Variants in CARD8 observed in about 807,000 individuals in gnomAD.
CARD8 encodes caspase recruitment domain-containing protein 8.
In CARD8, 38 loss-of-function variants were observed where a neutral mutation model predicts 53.2. That is an observed-to-expected ratio of 0.71 (90% confidence interval 0.55 to 0.94). The LOEUF (loss-of-function observed/expected upper bound fraction) is 0.94, where lower values mean the gene tolerates loss of function less well. Among genes scored for constraint, CARD8 ranks in the 40% least tolerant of loss-of-function variants. The pLI is 0.00. For missense variants in CARD8, 561 were observed against 655.5 expected (o/e 0.86, Z 1.57); for synonymous variants, 245 against 244.9 (o/e 1.00, Z 0.00).
chr19:48,247,611 T>C (rs550660206), intron 3 of CARD8, among the ~76,000 whole-genome samples: 4 of 152,102 alleles, frequency 2.6e-5, no homozygotes, highest in South Asian at 2.1e-4. Context: ...AACACCACAG[T>C]ACATATTCAA....
At chr19:48,207,733 T>TG (rs777238171), downstream of CARD8, among the ~76,000 whole-genome samples, 5,417 of 67,940 alleles carry the variant, frequency 0.08, 416 homozygotes, top group African/African-American at 0.19. Flanking sequence ...GTTGTTTTTC[T>TG]GTTTTTTTTT....
Position 48,221,728 on chromosome 19 carries a change from A to C in CARD8, c.1161+2T>G. ...GCTGAGTTGGGTTTGAATTCTACTA[A>C]CCTTGGGCATTACTTTCAGGTTAGC... On this transcript the variant is annotated splice_donor_variant, in intron 11 of 13. Coordinates refer to ENST00000651546, the MANE Select transcript of CARD8 (RefSeq NM_001184900.3). LOFTEE classifies it high-confidence loss of function. 6.3e-7 allele frequency: 1 copy of C among 1,576,316 alleles called. No individual in the cohort carries two copies. The highest frequency in any genetic ancestry group is 8.7e-7 in the Non-Finnish European group (1 of 1,154,868).
chr19:48,227,662 G>A (rs1382579148), intron 10 of CARD8, among the ~76,000 whole-genome samples: 2 of 152,000 alleles, frequency 1.3e-5, no homozygotes, highest in Non-Finnish European at 2.9e-5. Context: ...AATTAGCCAG[G>A]TGTGGTGGTG....
downstream of CARD8, chr19:48,204,183 T>C: frequency 2.2e-6 from 1 of 455,938 alleles, no homozygotes; most frequent in Non-Finnish European, 4.4e-6. Flanking sequence ...TCGGTCTCCA[T>C]GGTTACGAGC....
At chr19:48,215,950 C>G (rs2039195592) in intron 12 of CARD8, among the ~76,000 whole-genome samples, 1 of 152,072 alleles carries the variant, frequency 6.6e-6, no homozygotes, top group Non-Finnish European at 1.5e-5. Context: ...CCCACCCCAC[C>G]TTTGGCAGCA....
intron 10 of CARD8, among the ~76,000 whole-genome samples, chr19:48,226,612 A>G (rs2041840820): frequency 6.6e-6 from 1 of 152,206 alleles, no homozygotes; most frequent in African/African-American, 2.4e-5. Flanking sequence ...TTATTTTGCA[A>G]AAAATCTCCC....
At chr19:48,212,798 G>A (rs183903285) in intron 13 of CARD8, among the ~76,000 whole-genome samples, 27 of 152,300 alleles carry the variant, frequency 1.8e-4, no homozygotes, top group African/African-American at 5.1e-4. Context: ...ATTTTAGGAC[G>A]TCACCTTTAT....
chr19:48,225,186 G>A (rs2041509220), intron 10 of CARD8, among the ~76,000 whole-genome samples: 3 of 152,120 alleles, frequency 2.0e-5, no homozygotes, highest in Non-Finnish European at 1.5e-5. Flanking sequence ...AGAGGGTACA[G>A]TGATCAAGAA....
At chr19:48,242,153 T>C (rs904134463) in intron 3 of CARD8, among the ~76,000 whole-genome samples, 16 of 152,160 alleles carry the variant, frequency 1.1e-4, no homozygotes, top group African/African-American at 3.6e-4. Flanking sequence ...AATGTGATGA[T>C]AGGAGGAGAT....
At chr19:48,221,606 T>A (rs1458429173) in intron 11 of CARD8, 124 bp downstream of exon 11, 13 of 596,780 alleles carry the variant, frequency 2.2e-5, no homozygotes, top group Middle Eastern at 4.8e-4. Context: ...TAATTTCAAT[T>A]TTTTTAAAGG....
rs926722941 is a variant in CARD8 at position 48,211,203 on chromosome 19, G to C, written c.*507C>G. On this transcript the variant is annotated 3_prime_UTR_variant, in exon 14 of 14. Coordinates refer to ENST00000651546, the MANE Select transcript of CARD8 (RefSeq NM_001184900.3). ...TCTAATAACAGTAGCCATAGATAAA[G>C]TGTTAAAGTCCTAACATACAAAAAA... 1 of 152,736 alleles carries C rather than the reference G, an allele frequency of 6.5e-6. No individual in the cohort carries two copies. Among genetic ancestry groups the C allele is most frequent in the African/African-American group, 2.4e-5 (1 of 41,202 alleles). The allele number at this position is 152,736 out of a possible 1,614,324, so 9.5% of individuals were successfully genotyped here.
At chr19:48,234,588 G>A (rs1335660424) in intron 5 of CARD8, 45 bp from the exon 6 acceptor site, 1 of 1,567,082 alleles carries the variant, frequency 6.4e-7, no homozygotes, top group African/African-American at 1.4e-5. Flanking sequence ...TAAGGTAGGT[G>A]CCTGATGATA....
rs183473284 is a variant in CARD8, at chr19:48,234,451, A to T, written c.302T>A (p.Leu101Ter). The change falls in exon 6 of 14, where the codon TTG (leucine) becomes TAG (stop). Residue 101 changes from leucine to a stop codon, truncating the protein, a stop_gained. Coordinates refer to ENST00000651546, the MANE Select transcript of CARD8 (RefSeq NM_001184900.3). LOFTEE classifies it high-confidence loss of function. ...TTGACACTCAGGAACAGCACGGAAC[A>T]ATAATGGCTCTGCCTCTGTCTCATC... is the stretch of plus-strand genomic sequence containing the variant. ...EDDETEAEPL[L>*]FRAVPECQLS... 5.0e-6 allele frequency: 8 copies of T among 1,613,834 alleles called. No homozygotes were observed. Among genetic ancestry groups the T allele is most frequent in the African/African-American group, 1.3e-5 (1 of 74,930 alleles).
At chr19:48,241,872 A>T (rs554868319) in intron 3 of CARD8, among the ~76,000 whole-genome samples, 6 of 152,218 alleles carry the variant, frequency 3.9e-5, no homozygotes, top group South Asian at 4.1e-4. Flanking sequence ...ATTCACCCAC[A>T]TAAGTCTACA....
intron 8 of CARD8, 79 bp downstream of exon 8, chr19:48,231,581 G>T: frequency 7.0e-7 from 1 of 1,419,766 alleles, no homozygotes; most frequent in Non-Finnish European, 9.5e-7. Flanking sequence ...GAGATTACAG[G>T]CCTGAGCCAC....
intron 3 of CARD8, among the ~76,000 whole-genome samples, chr19:48,243,563 CA>C (rs1225432367): frequency 1.3e-5 from 2 of 152,200 alleles, no homozygotes; most frequent in Admixed American, 6.5e-5. Flanking sequence ...CTCTGAACTA[CA>C]AGCTTTTCCT....
Position 48,219,003 on chromosome 19 carries a change from A to G in CARD8, c.1171T>C (p.Leu391=), listed in dbSNP as rs1785674246. The change falls in exon 12 of 14, where the codon TTG becomes CTG. Residue 391 remains leucine (L), a synonymous_variant. Transcript: ENST00000651546. ...ATTTCTCCAGGGCTCCTGTAGGACAATTTCAACTCCTAGAGGAAACACATC... is the reference window on the plus strand; with the variant it reads ...ATTTCTCCAGGGCTCCTGTAGGACAGTTTCAACTCCTAGAGGAAACACATC... The part of the protein sequence containing the change: ...NLKVMPKELK[L]SYRSPGEIQH... 1 of 1,614,076 alleles carries G rather than the reference A, an allele frequency of 6.2e-7. No individual in the cohort carries two copies. The highest frequency in any genetic ancestry group is 8.5e-7 in the Non-Finnish European group (1 of 1,179,964).
downstream of CARD8, among the ~76,000 whole-genome samples, chr19:48,207,734 G>GGTTTTTTTTTTGT (rs1555790115): frequency 8.6e-6 from 1 of 116,552 alleles, no homozygotes; most frequent in African/African-American, 3.7e-5. Context: ...TTGTTTTTCT[G>GGTTTTTTTTTTGT]TTTTTTTTTT....
chr19:48,221,617 G>T, intron 11 of CARD8, 113 bp downstream of exon 11: 1 of 650,156 alleles, frequency 1.5e-6, no homozygotes, highest in Non-Finnish European at 2.4e-6. Flanking sequence ...TTTTTAAAGG[G>T]CATATTTGTG....
Sources: gnomAD v4.1 joint callset for allele counts (sites outside exome capture counted in the v4.1 genomes callset) on GRCh38, gnomAD v4.1.1 for gene constraint, MANE v1.5 for transcripts, NCBI Gene and HGNC (gene_info 2026-07-23, HGNC 2026-07-21) for gene names.